Variants in SLC8A1 observed in about 807,000 individuals in gnomAD.
SLC8A1 encodes sodium/calcium exchanger 1.
Under a neutral mutation model 68.3 loss-of-function variants are expected in SLC8A1, and 18 were observed. The ratio of observed to expected loss-of-function variants is 0.26; its 90% CI spans 0.18 to 0.39. The LOEUF (loss-of-function observed/expected upper bound fraction) is 0.39, where lower values mean the gene tolerates loss of function less well. Among genes scored for constraint, SLC8A1 ranks in the 10% least tolerant of loss-of-function variants. The pLI, the probability that SLC8A1 is intolerant of heterozygous loss-of-function variation, is 1.00. For missense variants in SLC8A1, 985 were observed against 1,156.7 expected, an observed-to-expected ratio of 0.85 and a Z score of 2.15; for synonymous variants, 475 against 415.5, an observed-to-expected ratio of 1.14 and a Z score of -1.74.
chr2:40,396,797 A>T lies in SLC8A1; in HGVS notation c.1808+31676T>A, dbSNP rs1260908155. Among the ~76,000 whole-genome samples, 5 of 150,878 alleles carry T rather than the reference A, an allele frequency of 3.3e-5. 1 individual carries two copies. Among genetic ancestry groups the T allele is most frequent in the Admixed American group, 3.3e-4 (5 of 15,120 alleles). ...AAAAAACAAGAGAAGTTAAAGAAGCAAACCAGCAAGAGAAACTGTAGTTGC... is the reference window on the plus strand; with the variant it reads ...AAAAAACAAGAGAAGTTAAAGAAGCTAACCAGCAAGAGAAACTGTAGTTGC... On this transcript the variant is annotated intron_variant, in intron 2 of 7. Transcript: ENST00000406785.
chr2:40,291,715 C>T (rs973206915), intron 2 of SLC8A1, among the ~76,000 whole-genome samples: 2 of 152,116 alleles, frequency 1.3e-5, no homozygotes, highest in African/African-American at 2.4e-5. Flanking sequence ...AGAATAACTT[C>T]CAATGTCTCT....
intron 4 of SLC8A1, 67 bp from the exon 8 acceptor site, chr2:40,165,051 C>T (rs1216068872): frequency 8.8e-6 from 14 of 1,596,424 alleles, no homozygotes; most frequent in Admixed American, 1.7e-5. Context: ...CTGGATCCTG[C>T]CATAAGAAAG....
intron 2 of SLC8A1, among the ~76,000 whole-genome samples, chr2:40,225,737 TG>T (rs2058893814): frequency 6.6e-6 from 1 of 152,140 alleles, no homozygotes; most frequent in East Asian, 1.9e-4. Flanking sequence ...TGGAGACAGA[TG>T]GGGAGGTGAA....
chr2:40,157,735 G>T (rs1368042954), intron 6 of SLC8A1, among the ~76,000 whole-genome samples: 3 of 152,188 alleles, frequency 2.0e-5, no homozygotes, highest in Admixed American at 2.0e-4. Context: ...TACTGGACTT[G>T]CCTTGCAAGT....
chr2:40,337,604 G>C (rs1025146723), intron 2 of SLC8A1, among the ~76,000 whole-genome samples: 1 of 152,046 alleles, frequency 6.6e-6, no homozygotes, highest in Non-Finnish European at 1.5e-5. Context: ...CTTATTTTCT[G>C]TTTTGCTTTT....
intron 2 of SLC8A1, among the ~76,000 whole-genome samples, chr2:40,201,355 C>A (rs1052581578): frequency 2.0e-5 from 3 of 151,828 alleles, no homozygotes; most frequent in African/African-American, 7.2e-5. Flanking sequence ...AAAACCAAAA[C>A]AAAATTCAAT....
chr2:40,231,464 A>G (rs58744733), intron 2 of SLC8A1, among the ~76,000 whole-genome samples: 2,538 of 152,048 alleles, frequency 0.017, 82 homozygotes, highest in African/African-American at 0.058. Context: ...TTCTCTCTAA[A>G]TGGCTATATC....
chr2:40,254,468 A>ATGC (rs1260545484), intron 2 of SLC8A1: 1 of 115,396 alleles, frequency 8.7e-6, no homozygotes, highest in South Asian at 2.5e-4. Flanking sequence ...ATGAAGCTAA[A>ATGC]TGCAGTAAAG....
At chr2:40,230,027 G>T (rs905734954) in intron 2 of SLC8A1, among the ~76,000 whole-genome samples, 1 of 152,076 alleles carries the variant, frequency 6.6e-6, no homozygotes, top group Non-Finnish European at 1.5e-5. Context: ...TGAAACTGTA[G>T]TCCAGAAAGA....
chr2:40,140,164 G>T (rs2041278636), intron 6 of SLC8A1, among the ~76,000 whole-genome samples: 1 of 152,130 alleles, frequency 6.6e-6, no homozygotes, highest in Non-Finnish European at 1.5e-5. Context: ...GTTAATCATG[G>T]CTCTGAGCCT....
At chr2:40,185,678 T>C (rs1398439057) in intron 2 of SLC8A1, among the ~76,000 whole-genome samples, 1 of 152,162 alleles carries the variant, frequency 6.6e-6, no homozygotes, top group African/African-American at 2.4e-5. Context: ...TTGATTGTAG[T>C]GATGGTTGCA....
intron 5 of SLC8A1, among the ~76,000 whole-genome samples, chr2:40,164,050 C>A (rs2046131810): frequency 6.6e-6 from 1 of 152,150 alleles, no homozygotes; most frequent in Non-Finnish European, 1.5e-5. Flanking sequence ...GTTTGTAATT[C>A]TGGAAAGCAA....
At chr2:40,259,525 G>A (rs392325) in intron 2 of SLC8A1, among the ~76,000 whole-genome samples, 1 of 151,774 alleles carries the variant, frequency 6.6e-6, no homozygotes, top group African/African-American at 2.4e-5. Context: ...TCTGTGCCCA[G>A]GCTGGAGCAC....
At chr2:40,247,027 A>G (rs1160405541) in intron 2 of SLC8A1, among the ~76,000 whole-genome samples, 1 of 152,180 alleles carries the variant, frequency 6.6e-6, no homozygotes, top group Non-Finnish European at 1.5e-5. Flanking sequence ...AAGAGTGAGA[A>G]ATAGCCATTT....
chr2:40,249,289 G>A (rs1443831176), intron 2 of SLC8A1, among the ~76,000 whole-genome samples: 5 of 152,158 alleles, frequency 3.3e-5, no homozygotes, highest in Non-Finnish European at 5.9e-5. Context: ...ATGCCTATCC[G>A]TTTTTGAGGT....
chr2:40,418,489 G>A (rs1002991029), intron 2 of SLC8A1, among the ~76,000 whole-genome samples: 4 of 152,088 alleles, frequency 2.6e-5, no homozygotes, highest in Admixed American at 1.3e-4. Context: ...GATATTCTGA[G>A]GTACTAGGCC....
chr2:40,434,580 T>C (rs1267779323), intron 1 of SLC8A1, among the ~76,000 whole-genome samples: 1 of 152,194 alleles, frequency 6.6e-6, no homozygotes, highest in African/African-American at 2.4e-5. Context: ...ATTTGCTGCC[T>C]GGCTTTCTTA....
chr2:40,108,419 G>T (rs6727101), exon 8 of SLC8A1: 3 of 152,066 alleles, frequency 2.0e-5, no homozygotes. Context: ...ATAATAACTT[G>T]CAAATATCTT....
At chr2:40,120,144 G>A (rs1158925095) in intron 7 of SLC8A1, among the ~76,000 whole-genome samples, 2 of 152,216 alleles carry the variant, frequency 1.3e-5, no homozygotes, top group Non-Finnish European at 2.9e-5. Context: ...GATGGATGCA[G>A]GGATAATGTA....
Sources: gnomAD v4.1 joint callset for allele counts (sites outside exome capture counted in the v4.1 genomes callset) on GRCh38, gnomAD v4.1.1 for gene constraint, MANE v1.5 for transcripts, NCBI Gene and HGNC (gene_info 2026-07-23, HGNC 2026-07-21) for gene names.